Variants in MYO1D observed in about 807,000 individuals in gnomAD.
MYO1D encodes the protein unconventional myosin-Id.
Under a neutral mutation model 122.0 loss-of-function variants are expected in MYO1D, and 83 were observed. The ratio of observed to expected loss-of-function variants is 0.68; its 90% CI spans 0.57 to 0.82. MYO1D has a LOEUF of 0.82. MYO1D is among the 40% of genes least tolerant of loss of function. The pLI is 0.00. For synonymous variants in MYO1D, 464 were observed against 446.9 expected (o/e 1.04, Z -0.48); for missense variants, 1,157 against 1,269.5 (o/e 0.91, Z 1.35).
intron 21 of MYO1D, among the ~76,000 whole-genome samples, chr17:32,509,464 G>T (rs549567124): frequency 6.6e-6 from 1 of 152,340 alleles, no homozygotes; most frequent in African/African-American, 2.4e-5. Flanking sequence ...TCCGGGAATT[G>T]TATCGATAAA....
At chr17:32,540,327 C>CCTAA (rs71362845) in intron 21 of MYO1D, among the ~76,000 whole-genome samples, 1 of 69,870 alleles carries the variant, frequency 1.4e-5, no homozygotes, top group Non-Finnish European at 2.6e-5. Flanking sequence ...GAGACTATCT[C>CCTAA]AAAAAAAAAA....
chr17:32,659,879 G>T (rs542459493), intron 16 of MYO1D, among the ~76,000 whole-genome samples: 1 of 152,152 alleles, frequency 6.6e-6, no homozygotes, highest in Non-Finnish European at 1.5e-5. Flanking sequence ...ATCAGATTAC[G>T]TACTAATATC....
intron 21 of MYO1D, chr17:32,531,237 G>A (rs1475116684): frequency 6.6e-6 from 1 of 152,254 alleles, no homozygotes; most frequent in East Asian, 1.9e-4. Context: ...AGGATGCTAA[G>A]CTGACATAAT....
Position 32,767,645 on chromosome 17 carries a change from A to T in MYO1D, c.822T>A (p.Ile274=), listed in dbSNP as rs769905579. ...AGGTGTCCCTACTCACCAAGTGCAG[A>T]ATAGCAGCCAAAATCTTATACACTG... is the stretch of plus-strand genomic sequence containing the variant. The part of the protein sequence containing the change: ...IQTVYKILAA[I]LHLGNLKFVV... Residue 274 remains isoleucine, a synonymous_variant, in exon 7 of 22, where the codon ATT becomes ATA. Transcript: ENST00000318217. 6.2e-7 allele frequency: 1 copy of T among 1,607,272 alleles called. No homozygotes were observed. Among genetic ancestry groups the T allele is most frequent in the Non-Finnish European group, 8.5e-7 (1 of 1,174,328 alleles).
At chr17:32,504,786 T>G (rs1361747615) in intron 21 of MYO1D, 1 of 152,304 alleles carries the variant, frequency 6.6e-6, no homozygotes, top group Non-Finnish European at 1.5e-5. Context: ...TGCAGACAGC[T>G]GAGTCTTCAC....
intron 20 of MYO1D, among the ~76,000 whole-genome samples, chr17:32,614,941 A>G (rs4794931): frequency 0.058 from 8,748 of 152,104 alleles, 357 homozygotes; most frequent in East Asian, 0.2. Flanking sequence ...AGTGATTCCA[A>G]CTCTCACTCA....
intron 1 of MYO1D, among the ~76,000 whole-genome samples, chr17:32,801,896 A>G (rs1467589079): frequency 6.6e-6 from 1 of 152,224 alleles, no homozygotes; most frequent in Non-Finnish European, 1.5e-5. Flanking sequence ...AAAATAAGGA[A>G]GTTCTCACAG....
At chr17:32,705,233 G>C (rs2089291861) in intron 16 of MYO1D, among the ~76,000 whole-genome samples, 1 of 152,006 alleles carries the variant, frequency 6.6e-6, no homozygotes, top group African/African-American at 2.4e-5. Flanking sequence ...TATACTAAGA[G>C]GAACAATATG....
chr17:32,622,742 AG>A (rs1448384045), intron 20 of MYO1D, among the ~76,000 whole-genome samples: 1 of 152,206 alleles, frequency 6.6e-6, no homozygotes, highest in African/African-American at 2.4e-5. Context: ...CCAGTTTGCA[AG>A]GGGGCAAAGA....
intron 10 of MYO1D, 61 bp from the exon 11 acceptor site, chr17:32,755,723 T>G (rs1427447267): frequency 1.4e-6 from 2 of 1,456,758 alleles, no homozygotes; most frequent in Non-Finnish European, 1.9e-6. Flanking sequence ...GGTTAAACCC[T>G]GATGCTCCCA....
chr17:32,591,342 G>A (rs1263739996), intron 21 of MYO1D, among the ~76,000 whole-genome samples: 2 of 152,218 alleles, frequency 1.3e-5, no homozygotes, highest in African/African-American at 2.4e-5. Context: ...TTCATTATGT[G>A]GAAGCCTGCT....
chr17:32,510,298 T>C (rs1037769716), intron 21 of MYO1D: 1 of 152,228 alleles, frequency 6.6e-6, no homozygotes, highest in Non-Finnish European at 1.5e-5. Flanking sequence ...AAAAGGCACT[T>C]TGAACCTCCT....
intron 1 of MYO1D, among the ~76,000 whole-genome samples, chr17:32,828,865 A>G (rs534226723): frequency 6.6e-6 from 1 of 152,272 alleles, no homozygotes; most frequent in Admixed American, 6.5e-5. Flanking sequence ...GTGCCATACT[A>G]CTATACTATA....
At chr17:32,754,917 T>C in intron 11 of MYO1D, among the ~76,000 whole-genome samples, 1 of 67,204 alleles carries the variant, frequency 1.5e-5, no homozygotes, top group South Asian at 6.8e-4. Flanking sequence ...ACTACAGATA[T>C]GTGATCTGTT....
chr17:32,798,513 G>A (rs945741380), intron 1 of MYO1D, among the ~76,000 whole-genome samples: 2 of 152,126 alleles, frequency 1.3e-5, no homozygotes, highest in African/African-American at 4.8e-5. Context: ...CTGCTTCAAC[G>A]TTGGGAGTGT....
intron 21 of MYO1D, among the ~76,000 whole-genome samples, chr17:32,553,103 C>CAAAAAAAAAAAAAAAAAAAAACAAAACA (rs66479224): frequency 7.5e-6 from 1 of 133,282 alleles, no homozygotes; most frequent in Non-Finnish European, 1.5e-5. Flanking sequence ...AAAAACAAAA[C>CAAAAAAAAAAAAAAAAAAAAACAAAACA]AAAAAAAAAA....
At chr17:32,822,545 G>GCCCC (rs1459234518) in intron 1 of MYO1D, among the ~76,000 whole-genome samples, 1 of 124,990 alleles carries the variant, frequency 8.0e-6, no homozygotes, top group Non-Finnish European at 1.8e-5. Flanking sequence ...CACTGCCGGG[G>GCCCC]CGGCTCGGGA....
At chr17:32,521,404 G>A (rs1910132876) in intron 21 of MYO1D, among the ~76,000 whole-genome samples, 2 of 152,148 alleles carry the variant, frequency 1.3e-5, no homozygotes, top group African/African-American at 4.8e-5. Flanking sequence ...TGTGATGAAG[G>A]CCTGTAAATT....
intron 4 of MYO1D, among the ~76,000 whole-genome samples, chr17:32,774,240 T>C (rs1280766756): frequency 1.3e-5 from 2 of 152,322 alleles, no homozygotes; most frequent in East Asian, 3.9e-4. Flanking sequence ...CCAAATCAGT[T>C]AAATATCCTA....
Sources: gnomAD v4.1 joint callset for allele counts (sites outside exome capture counted in the v4.1 genomes callset) on GRCh38, gnomAD v4.1.1 for gene constraint, MANE v1.5 for transcripts, NCBI Gene and HGNC (gene_info 2026-07-23, HGNC 2026-07-21) for gene names.